Variants in PHLPP1 observed in about 807,000 individuals in gnomAD.
PHLPP1 encodes PH domain and leucine rich repeat protein phosphatase 1.
PHLPP1 carries 42 observed loss-of-function variants against 117.2 expected under a neutral mutation model. The ratio of observed to expected loss-of-function variants is 0.36; its 90% confidence interval spans 0.28 to 0.46. The LOEUF is 0.46. Ranked by LOEUF, PHLPP1 falls within the 20% of genes least tolerant of loss-of-function variation. The probability of loss-of-function intolerance (pLI) is 1.00; values close to 1 mark genes in which losing one functional copy is unlikely to be tolerated. For missense variants in PHLPP1, 2,084 were observed against 2,241.9 expected, an observed-to-expected ratio of 0.93 and a Z score of 1.42; for synonymous variants, 1,042 against 970.7, an observed-to-expected ratio of 1.07 and a Z score of -1.37.
chr18:62,978,923 A>G lies in PHLPP1; in HGVS notation c.4646A>G (p.Asp1549Gly). The change falls in exon 17 of 17, where the codon GAT becomes GGT. Residue 1549 changes from aspartate (D) to glycine (G), a missense_variant. By Grantham distance (94) the Asp-to-Gly change is moderately conservative. Coordinates refer to ENST00000262719, the MANE Select transcript of PHLPP1 (RefSeq NM_194449.4). The surrounding 1 kb of genome is among the most constrained non-coding windows in gnomAD (Gnocchi z 7.0). ...AFSDNGLDSD[D>G]EEPIEGVFTN... is the part of the protein sequence containing the mutation. ...TCCGACAACGGCCTTGACAGTGACGATGAGGAGCCCATCGAGGGCGTCTTC... is the reference window on the plus strand; with the variant it reads ...TCCGACAACGGCCTTGACAGTGACGGTGAGGAGCCCATCGAGGGCGTCTTC... 1 of 1,608,666 alleles carries G rather than the reference A, an allele frequency of 6.2e-7. No homozygotes were observed. Among genetic ancestry groups the G allele is most frequent in the East Asian group, 2.2e-5 (1 of 44,612 alleles).
chr18:62,886,504 G>C (rs1164006075), intron 4 of PHLPP1, among the ~76,000 whole-genome samples: 1 of 152,080 alleles, frequency 6.6e-6, no homozygotes, highest in Non-Finnish European at 1.5e-5. Context: ...TGAGCTCCTG[G>C]CCTCAAGTGG....
At chr18:62,766,647 C>T (rs1912544955) in intron 1 of PHLPP1, among the ~76,000 whole-genome samples, 1 of 152,072 alleles carries the variant, frequency 6.6e-6, no homozygotes, top group South Asian at 2.1e-4. Context: ...CCAACCTACG[C>T]TTTATTAGTA....
chr18:62,752,403 T>G (rs1443608705), intron 1 of PHLPP1, among the ~76,000 whole-genome samples: 2 of 152,260 alleles, frequency 1.3e-5, no homozygotes, highest in African/African-American at 4.8e-5. Context: ...CTCTTCTGCA[T>G]GGTCTTTAAA....
At chr18:62,941,446 A>G (rs900198411) in intron 10 of PHLPP1, among the ~76,000 whole-genome samples, 1 of 152,090 alleles carries the variant, frequency 6.6e-6, no homozygotes, top group Non-Finnish European at 1.5e-5. Flanking sequence ...CTCCCCGCCA[A>G]CTATAAAAAT....
chr18:62,778,817 G>A (rs951057776), intron 1 of PHLPP1, among the ~76,000 whole-genome samples: 2 of 152,146 alleles, frequency 1.3e-5, no homozygotes, highest in Non-Finnish European at 2.9e-5. Flanking sequence ...AATGTTTATA[G>A]CTTGATGATG....
At chr18:62,851,222 TC>T (rs1162049745) in intron 3 of PHLPP1, among the ~76,000 whole-genome samples, 1 of 152,198 alleles carries the variant, frequency 6.6e-6, no homozygotes, top group Non-Finnish European at 1.5e-5. Flanking sequence ...CCTTGGAGGA[TC>T]TCTTGGTCTG....
At chr18:62,821,658 A>G (rs531492649) in intron 1 of PHLPP1, among the ~76,000 whole-genome samples, 19 of 152,092 alleles carry the variant, frequency 1.2e-4, no homozygotes, top group Non-Finnish European at 2.6e-4. Context: ...AAACTGATCA[A>G]GAAAAGATAG....
chr18:62,976,090 G>T (rs1911178082), intron 16 of PHLPP1, among the ~76,000 whole-genome samples: 1 of 152,206 alleles, frequency 6.6e-6, no homozygotes, highest in Non-Finnish European at 1.5e-5. Flanking sequence ...AAGTGTACTA[G>T]TTGTTATTTT....
intron 1 of PHLPP1, among the ~76,000 whole-genome samples, chr18:62,722,550 A>G (rs1000511650): frequency 1.3e-5 from 2 of 152,080 alleles, no homozygotes; most frequent in African/African-American, 4.8e-5. Context: ...CTTTAATCAC[A>G]TGCATCTGGT....
intron 4 of PHLPP1, among the ~76,000 whole-genome samples, chr18:62,874,685 ACACACACT>A (rs1380689522): frequency 2.8e-5 from 4 of 142,520 alleles, no homozygotes; most frequent in African/African-American, 1.0e-4. Context: ...ACACACACAC[ACACACACT>A]CTCGCTCTCT....
intron 1 of PHLPP1, among the ~76,000 whole-genome samples, chr18:62,793,136 C>T (rs767166219): frequency 1.3e-5 from 2 of 152,160 alleles, no homozygotes; most frequent in Non-Finnish European, 2.9e-5. Context: ...GATCATACCA[C>T]TGCACTCCAG....
chr18:62,900,435 T>TG (rs1376642072), intron 6 of PHLPP1, among the ~76,000 whole-genome samples: 4 of 32,352 alleles, frequency 1.2e-4, no homozygotes, highest in African/African-American at 3.2e-4. Context: ...TTTTCTTTCT[T>TG]TTTTTTTTTT....
intron 1 of PHLPP1, among the ~76,000 whole-genome samples, chr18:62,765,318 A>T (rs1230967175): frequency 2.6e-5 from 4 of 152,148 alleles, no homozygotes; most frequent in African/African-American, 4.8e-5. Context: ...TCTCTTTCTT[A>T]AAGTTCAGCC....
intron 11 of PHLPP1, among the ~76,000 whole-genome samples, chr18:62,943,235 T>A (rs1910183850): frequency 6.6e-6 from 1 of 152,202 alleles, no homozygotes; most frequent in African/African-American, 2.4e-5. Flanking sequence ...TGTCTCCCTG[T>A]GGTTGTGATG....
chr18:62,915,221 T>A (rs1479666694), intron 9 of PHLPP1, among the ~76,000 whole-genome samples: 1 of 152,210 alleles, frequency 6.6e-6, no homozygotes, highest in Non-Finnish European at 1.5e-5. Context: ...CAGCCAGACT[T>A]TTCAAAACCA....
intron 1 of PHLPP1, among the ~76,000 whole-genome samples, chr18:62,795,545 C>T (rs1913607781): frequency 6.7e-6 from 1 of 148,636 alleles, no homozygotes; most frequent in Non-Finnish European, 1.5e-5. Context: ...CCATTCTTAA[C>T]TCACTGGTCA....
chr18:62,836,468 TAAATAAATAAATAAATAAAA>T (rs946550656), intron 2 of PHLPP1, among the ~76,000 whole-genome samples: 16 of 144,522 alleles, frequency 1.1e-4, no homozygotes, highest in Middle Eastern at 7.2e-3. Flanking sequence ...AATAAATAAA[TAAATAAATAAATAAATAAAA>T]ATAAATTACT....
chr18:62,868,580 CCA>C (rs1370752425), intron 4 of PHLPP1, among the ~76,000 whole-genome samples: 1 of 150,354 alleles, frequency 6.7e-6, no homozygotes, highest in Non-Finnish European at 1.5e-5. Context: ...TGAAATGGCG[CCA>C]CTGCACTCCA....
Position 62,716,568 on chromosome 18 carries a change from G to A in PHLPP1, c.885G>A (p.Pro295=). The change falls in exon 1 of 17, where the codon CCG becomes CCA. Residue 295 remains proline (P), a synonymous_variant. Transcript: ENST00000262719. This position sits in a 1 kb window ranked among gnomAD's most constrained non-coding sequence, Gnocchi z 5.7. ...CGCCGGGTGCCTTCGGGGGGCCTCC[G>A]CGCGCGCCCCCCGCCGACCTACCCC... ...RSAPGAFGGP[P]RAPPADLPLP... 2 of 1,199,266 alleles carry A rather than the reference G, an allele frequency of 1.7e-6. No individual in the cohort carries two copies. Among genetic ancestry groups the A allele is most frequent in the Non-Finnish European group, 2.1e-6 (2 of 967,502 alleles). The allele number at this position is 1,199,266 out of a possible 1,614,324, so 74.3% of individuals were successfully genotyped here.
Sources: gnomAD v4.1 joint callset for allele counts (sites outside exome capture counted in the v4.1 genomes callset) on GRCh38, gnomAD v4.1.1 for gene constraint, Gnocchi (gnomAD v3.1) non-coding constraint, MANE v1.5 for transcripts, NCBI Gene and HGNC (gene_info 2026-07-23, HGNC 2026-07-21) for gene names.